Variants in CSMD3 observed in about 807,000 individuals in gnomAD.
CSMD3 encodes CUB and sushi domain-containing protein 3.
Under a neutral mutation model 435.2 loss-of-function variants are expected in CSMD3, and 177 were observed. The ratio of observed to expected loss-of-function variants is 0.41; its 90% CI spans 0.36 to 0.46. The LOEUF (loss-of-function observed/expected upper bound fraction) is 0.46, where lower values mean the gene tolerates loss of function less well. Ranked by LOEUF, CSMD3 falls within the 20% of genes least tolerant of loss-of-function variation. The pLI is 0.34. For missense variants in CSMD3, 4,265 were observed against 4,504.6 expected (o/e 0.95, Z 1.52); for synonymous variants, 1,656 against 1,520.5 (o/e 1.09, Z -2.07).
chr8:112,834,019 C>A (rs1230779086), intron 11 of CSMD3, among the ~76,000 whole-genome samples: 1 of 151,892 alleles, frequency 6.6e-6, no homozygotes, highest in African/African-American at 2.4e-5. Flanking sequence ...TAGTTCTATG[C>A]CAAACTCTTG....
chr8:113,197,299 A>G (rs538855144), intron 3 of CSMD3, among the ~76,000 whole-genome samples: 48 of 151,244 alleles, frequency 3.2e-4, no homozygotes, highest in Admixed American at 2.6e-3. Context: ...TTCAGCCTAT[A>G]TATATATATA....
intron 5 of CSMD3, among the ~76,000 whole-genome samples, chr8:113,060,302 T>A (rs994842089): frequency 1.3e-5 from 2 of 148,274 alleles, no homozygotes; most frequent in Non-Finnish European, 3.0e-5. Context: ...ATTTCATCCA[T>A]GTCCCTACAA....
At chr8:112,709,497 G>T (rs985402819) in intron 13 of CSMD3, among the ~76,000 whole-genome samples, 3 of 151,886 alleles carry the variant, frequency 2.0e-5, no homozygotes, top group Non-Finnish European at 2.9e-5. Flanking sequence ...GGTTTTTAAT[G>T]AAAGGTATTT....
At chr8:112,518,412 T>C (rs1313079956) in intron 27 of CSMD3, among the ~76,000 whole-genome samples, 1 of 151,782 alleles carries the variant, frequency 6.6e-6, no homozygotes, top group Non-Finnish European at 1.5e-5. Flanking sequence ...AGAGGCTGAG[T>C]TGAGAGGACA....
At chr8:113,203,162 A>G (rs1319558232) in intron 3 of CSMD3, among the ~76,000 whole-genome samples, 1 of 152,188 alleles carries the variant, frequency 6.6e-6, no homozygotes, top group Non-Finnish European at 1.5e-5. Context: ...AATGTTTGAA[A>G]TGATATATAT....
intron 53 of CSMD3, among the ~76,000 whole-genome samples, chr8:112,296,346 T>C (rs1008995650): frequency 6.6e-6 from 1 of 151,816 alleles, no homozygotes; most frequent in Non-Finnish European, 1.5e-5. Context: ...GGTCAGGAGA[T>C]TGAGACCATC....
intron 23 of CSMD3, 136 bp from the exon 24 acceptor site, chr8:112,573,793 A>AT (rs1829726223): frequency 1.5e-6 from 1 of 680,288 alleles, no homozygotes; most frequent in African/African-American, 1.8e-5. Context: ...GCAACTAAAT[A>AT]TATTGGTTTC....
chr8:112,838,492 G>A (rs1415248021), intron 11 of CSMD3, among the ~76,000 whole-genome samples: 1 of 151,778 alleles, frequency 6.6e-6, no homozygotes, highest in Non-Finnish European at 1.5e-5. Flanking sequence ...TTGGACTGTG[G>A]AAGTAGGGAT....
Position 113,156,777 on chromosome 8 carries a change from T to TAAATACAA in CSMD3, c.709+16944_709+16945insTTGTATTT, listed in dbSNP as rs1554792436. Among the ~76,000 whole-genome samples, 443 of 144,620 alleles carry TAAATACAA rather than the reference T, an allele frequency of 3.1e-3. 4 individuals carry two copies. The highest frequency in any genetic ancestry group is 0.01 in the African/African-American group (382 of 37,282). 94.9% of individuals were successfully genotyped at this position (144,620 alleles called of 152,430 possible). Reference sequence around the variant, plus strand: ...ATAAATAAATAAATAAATAAATAAATAAAGTTAGCCAGGCCTGGTGGCACA... The same window carrying TAAATACAA: ...ATAAATAAATAAATAAATAAATAAATAAATACAAAAAGTTAGCCAGGCCTGGTGGCACA... On this transcript the variant is annotated intron_variant, in intron 4 of 70. Coordinates refer to ENST00000297405, the MANE Select transcript of CSMD3 (RefSeq NM_198123.2).
Position 113,082,855 on chromosome 8 carries a change from A to G in CSMD3, c.917+15901T>C, listed in dbSNP as rs372991651. Among the ~76,000 whole-genome samples, 18 of 152,272 alleles carry G rather than the reference A, an allele frequency of 1.2e-4. No individual in the cohort carries two copies. The East Asian group carries it at 2.3e-3, about 20-fold the overall frequency. Reference sequence around the variant, plus strand: ...CAATAGATTAGATCAAGCAGGAGAAAAAATTTCTGAACTTAAAGACAAGTC... The same window carrying G: ...CAATAGATTAGATCAAGCAGGAGAAGAAATTTCTGAACTTAAAGACAAGTC... On this transcript the variant is annotated intron_variant, in intron 5 of 70. Transcript: ENST00000297405.
At chr8:112,837,295 T>C (rs536987737) in intron 11 of CSMD3, among the ~76,000 whole-genome samples, 4 of 151,902 alleles carry the variant, frequency 2.6e-5, no homozygotes, top group African/African-American at 9.6e-5. Context: ...ACATAATTAG[T>C]ACAACATTCA....
intron 2 of CSMD3, among the ~76,000 whole-genome samples, chr8:113,286,713 A>T (rs1445722508): frequency 1.3e-4 from 19 of 151,976 alleles, no homozygotes; most frequent in Admixed American, 1.2e-3. Flanking sequence ...ATGTAAAAAA[A>T]AAAGACTCTA....
At chr8:112,740,996 G>A (rs1232848115) in intron 13 of CSMD3, among the ~76,000 whole-genome samples, 1 of 151,872 alleles carries the variant, frequency 6.6e-6, no homozygotes, top group Non-Finnish European at 1.5e-5. Context: ...ATGGATTTAT[G>A]AGGCAGTAGT....
chr8:112,255,661 G>T (rs1815718297), intron 61 of CSMD3: 1 of 526,252 alleles, frequency 1.9e-6, no homozygotes, highest in Non-Finnish European at 3.4e-6. Flanking sequence ...CACTTAGTAA[G>T]CTACCTTAAT....
intron 4 of CSMD3, among the ~76,000 whole-genome samples, chr8:113,173,281 C>T (rs1217427024): frequency 1.3e-5 from 2 of 152,008 alleles, no homozygotes; most frequent in East Asian, 3.9e-4. Context: ...TTTTTCTCTC[C>T]TTTTCATGTA....
chr8:112,929,091 G>T (rs1225799585), intron 9 of CSMD3, among the ~76,000 whole-genome samples: 4 of 149,704 alleles, frequency 2.7e-5, no homozygotes, highest in Non-Finnish European at 5.9e-5. Flanking sequence ...GTCTTCTTTT[G>T]AGAAGTGTCT....
At chr8:112,555,325 ATTTG>A (rs1382735737) in intron 25 of CSMD3, among the ~76,000 whole-genome samples, 3 of 152,002 alleles carry the variant, frequency 2.0e-5, no homozygotes, top group East Asian at 1.9e-4. Context: ...CTTTTAATGT[ATTTG>A]TTTGTGGTTT....
At position 113,173,800 on chromosome 8, in the gene CSMD3, C is replaced by T. The variant is rs777486805; in HGVS notation, c.631G>A (p.Asp211Asn). ...RYSCVTGYIL[D>N]GHPQLTCIAN... ...ATGCAGGTGAGCTGAGGGTGGCCATCAAGGATGTATCCAGTTACACAGCTG... is the reference window on the plus strand; with the variant it reads ...ATGCAGGTGAGCTGAGGGTGGCCATTAAGGATGTATCCAGTTACACAGCTG... Residue 211 changes from aspartate to asparagine, a missense_variant, in exon 4 of 71, where the codon GAT becomes AAT. Physicochemically the swap from Asp to Asn is conservative, Grantham distance 23. Coordinates refer to ENST00000297405, the MANE Select transcript of CSMD3 (RefSeq NM_198123.2). The T allele has an allele frequency of 6.2e-7, 1 of 1,613,858 alleles. No individual in the cohort carries two copies. Among genetic ancestry groups the T allele is most frequent in the Non-Finnish European group, 8.5e-7 (1 of 1,179,810 alleles).
In CSMD3 at chr8:112,274,378, G is replaced by A. The variant is rs558288583; in HGVS notation, c.9508+6796C>T. ...AAGTCTGTGGCACAGGGAAGAGGAA[G>A]CTATGCATAGCCCAGCAGACTCCTT... On this transcript the variant is annotated intron_variant, in intron 59 of 70. Coordinates refer to ENST00000297405, the MANE Select transcript of CSMD3 (RefSeq NM_198123.2). Among the ~76,000 whole-genome samples, 32 of 152,276 alleles carry A rather than the reference G, an allele frequency of 2.1e-4. No individual in the cohort carries two copies. In the South Asian group the frequency reaches 6.2e-3, roughly 30 times the overall value.
Sources: allele counts gnomAD v4.1 joint callset (sites outside exome capture counted in the v4.1 genomes callset), GRCh38; gene constraint gnomAD v4.1.1; transcripts MANE v1.5; gene names NCBI Gene and HGNC (gene_info 2026-07-23, HGNC 2026-07-21).